The following ISL1 variants were observed in gnomAD, a reference collection of about 807,000 sequenced individuals.
ISL1 encodes the protein insulin gene enhancer protein ISL-1.
In ISL1, 4 loss-of-function variants were observed where a neutral mutation model predicts 35.3. The observed-to-expected ratio is 0.11, with a 90% CI of 0.06 to 0.26. The LOEUF (loss-of-function observed/expected upper bound fraction) is 0.26, where lower values mean the gene tolerates loss of function less well. ISL1 is among the 10% of genes least tolerant of loss of function. The probability of loss-of-function intolerance (pLI) is 1.00; values close to 1 mark genes in which losing one functional copy is unlikely to be tolerated. For synonymous variants in ISL1, 186 were observed against 172.3 expected, an observed-to-expected ratio of 1.08 and a Z score of -0.62; for missense variants, 340 against 472.8, an observed-to-expected ratio of 0.72 and a Z score of 2.60.
intron 3 of ISL1, among the ~76,000 whole-genome samples, chr5:51,388,396 A>C (rs1239317599): frequency 6.6e-6 from 1 of 152,218 alleles, no homozygotes; most frequent in African/African-American, 2.4e-5. Context: ...GCTTCTTTAA[A>C]TCATTCATTC....
At chr5:51,386,305 G>A in intron 2 of ISL1, 1 of 240,168 alleles carries the variant, frequency 4.2e-6, no homozygotes. Context: ...GCTTGCATGT[G>A]CCTAATTCTG....
intron 1 of ISL1, among the ~76,000 whole-genome samples, chr5:51,384,167 C>T (rs576268553): frequency 6.7e-6 from 1 of 148,930 alleles, no homozygotes; most frequent in South Asian, 2.1e-4. Context: ...CCTGCGTTCA[C>T]TTAACGCTTC....
Position 51,389,627 on chromosome 5 carries a change from G to A in ISL1, c.479-19G>A. On this transcript the variant is annotated intron_variant, in intron 3 of 5. Coordinates refer to ENST00000230658, the MANE Select transcript of ISL1 (RefSeq NM_002202.3). The surrounding 1 kb of genome is among the most constrained non-coding windows in gnomAD (Gnocchi z 5.0). Reference sequence around the variant, plus strand: ...AGCGAGCCTCCAGCCCAGCGCTCACGGCGCTCCTTGCCCCGCAGCGGAGCC... The same window carrying A: ...AGCGAGCCTCCAGCCCAGCGCTCACAGCGCTCCTTGCCCCGCAGCGGAGCC... 6.3e-7 allele frequency: 1 copy of A among 1,598,890 alleles called. No homozygotes were observed.
At chr5:51,385,780 T>A (rs895381864) in intron 2 of ISL1, among the ~76,000 whole-genome samples, 1 of 152,184 alleles carries the variant, frequency 6.6e-6, no homozygotes, top group African/African-American at 2.4e-5. Flanking sequence ...TATCACTTTT[T>A]AAATGTCCGG....
rs1485030906 is a variant in ISL1 at position 51,389,230 on chromosome 5, TG to T, written c.479-412del. 6.6e-6 allele frequency among the ~76,000 whole-genome samples: 1 copy of T among 151,962 alleles called. No homozygotes were observed. The highest frequency in any genetic ancestry group is 1.5e-5 in the Non-Finnish European group (1 of 67,996). On this transcript the variant is annotated intron_variant, in intron 3 of 5. Coordinates refer to ENST00000230658, the MANE Select transcript of ISL1 (RefSeq NM_002202.3). The surrounding 1 kb of genome is among the most constrained non-coding windows in gnomAD (Gnocchi z 5.0). ...TGGAGAGGGTGGTAATCAATGTAAC[TG>T]GGGCCCAGTCTGGGCACAAGGAAAG... is the stretch of plus-strand genomic sequence containing the variant.
At chr5:51,392,641 A>C (rs958480381) in intron 5 of ISL1, among the ~76,000 whole-genome samples, 4 of 152,196 alleles carry the variant, frequency 2.6e-5, no homozygotes, top group African/African-American at 9.7e-5. Flanking sequence ...TTCTAAGCTC[A>C]TTAATCTGTT....
rs1561207684 is a variant in ISL1 at position 51,389,595 on chromosome 5, G to C, written c.479-51G>C. 8 of 1,441,256 alleles carry C rather than the reference G, an allele frequency of 5.6e-6. No homozygotes were observed. The East Asian group carries it at 2.2e-4, about 40-fold the overall frequency. 89.3% of individuals were successfully genotyped at this position (1,441,256 alleles called of 1,614,324 possible). On this transcript the variant is annotated intron_variant, in intron 3 of 5. Coordinates refer to ENST00000230658, the MANE Select transcript of ISL1 (RefSeq NM_002202.3). This position sits in a 1 kb window ranked among gnomAD's most constrained non-coding sequence, Gnocchi z 5.0. Reference sequence around the variant, plus strand: ...CGAGCGAGCGCGCGACCGCGGGCGGGCCGGCAAGCGAGCCTCCAGCCCAGC... The same window carrying C: ...CGAGCGAGCGCGCGACCGCGGGCGGCCCGGCAAGCGAGCCTCCAGCCCAGC...
chr5:51,384,403 TAAAAA>T, intron 1 of ISL1, 133 bp from the exon 2 acceptor site: 4 of 584,600 alleles, frequency 6.8e-6, no homozygotes, highest in Non-Finnish European at 8.5e-6. Flanking sequence ...TGCAATGCTC[TAAAAA>T]AAAAAAAAAA....
chr5:51,390,061 C>T (rs1423939543), intron 4 of ISL1, 129 bp downstream of exon 4: 22 of 1,124,388 alleles, frequency 2.0e-5, no homozygotes, highest in Non-Finnish European at 2.8e-5. Flanking sequence ...CCGGGGCTGC[C>T]CCTCATCCTT....
At chr5:51,391,573 G>A in intron 5 of ISL1, 132 bp downstream of exon 5, 1 of 990,712 alleles carries the variant, frequency 1.0e-6, no homozygotes, top group Non-Finnish European at 1.6e-6. Flanking sequence ...CAAGGAGGTG[G>A]GTAATGAAGA....
intron 3 of ISL1, among the ~76,000 whole-genome samples, chr5:51,388,589 G>A (rs745961061): frequency 6.6e-6 from 1 of 152,194 alleles, no homozygotes; most frequent in Non-Finnish European, 1.5e-5. Context: ...CCAAAGCAGT[G>A]GGTTAGAAGG....
rs779186378 is a variant in ISL1, at chr5:51,389,963, C to T, written c.765+31C>T. ...TGGCTCTGGGGCCGGGCAGGGAATG[C>T]GAGGGGGAAGGAGACGCAGCGTGCG... On this transcript the variant is annotated intron_variant, in intron 4 of 5. Coordinates refer to ENST00000230658, the MANE Select transcript of ISL1 (RefSeq NM_002202.3). This position sits in a 1 kb window ranked among gnomAD's most constrained non-coding sequence, Gnocchi z 5.0. The T allele has an allele frequency of 2.5e-6, 4 of 1,608,802 alleles. No individual in the cohort carries two copies. Among genetic ancestry groups the T allele is most frequent in the Non-Finnish European group, 3.4e-6 (4 of 1,176,352 alleles).
At chr5:51,391,121 T>C (rs1007681267) in intron 4 of ISL1, among the ~76,000 whole-genome samples, 153 bp from the exon 5 acceptor site, 2 of 152,196 alleles carry the variant, frequency 1.3e-5, no homozygotes, top group African/African-American at 4.8e-5. Flanking sequence ...GAATTCTAAC[T>C]AATATCCGTA....
In ISL1 at chr5:51,389,653, C is replaced by T. The variant is rs1390537346; in HGVS notation, c.486C>T (p.Pro162=). The part of the protein sequence containing the change: ...PARPLQMAAE[P]ISARQPALRP... ...GCGCTCCTTGCCCCGCAGCGGAGCC[C>T]ATCTCCGCCAGGCAGCCAGCCCTGC... Residue 162 remains proline, a synonymous_variant, in exon 4 of 6, where the codon CCC becomes CCT. Transcript: ENST00000230658. This position sits in a 1 kb window ranked among gnomAD's most constrained non-coding sequence, Gnocchi z 5.0. The T allele has an allele frequency of 1.2e-6, 2 of 1,609,052 alleles. No individual in the cohort carries two copies. Among genetic ancestry groups the T allele is most frequent in the Admixed American group, 1.7e-5 (1 of 59,958 alleles).
In ISL1 at chr5:51,389,617, C is replaced by T; in HGVS notation, c.479-29C>T. The T allele has an allele frequency of 1.3e-6, 2 of 1,590,220 alleles. No individual in the cohort carries two copies. The highest frequency in any genetic ancestry group is 1.1e-5 in the South Asian group (1 of 89,642). ...CGGGCCGGCAAGCGAGCCTCCAGCC[C>T]AGCGCTCACGGCGCTCCTTGCCCCG... On this transcript the variant is annotated intron_variant, in intron 3 of 5. Transcript: ENST00000230658. The surrounding 1 kb of genome is among the most constrained non-coding windows in gnomAD (Gnocchi z 5.0).
In ISL1 at chr5:51,393,767, G is replaced by T; in HGVS notation, c.*157G>T. The T allele has an allele frequency of 1.5e-6, 1 of 682,236 alleles. No homozygotes were observed. Among genetic ancestry groups the T allele is most frequent in the Non-Finnish European group, 2.7e-6 (1 of 374,928 alleles). 42.3% of individuals were successfully genotyped at this position (682,236 alleles called of 1,614,324 possible). ...ACGAAGTCTGTTTTAATGACAAGGT[G>T]ATATGGTAGCAACACTGTGAAGACA... is the stretch of plus-strand genomic sequence containing the variant. On this transcript the variant is annotated 3_prime_UTR_variant, in exon 6 of 6. Coordinates refer to ENST00000230658, the MANE Select transcript of ISL1 (RefSeq NM_002202.3).
In ISL1 at chr5:51,390,373, G is replaced by A. The variant is rs570512434; in HGVS notation, c.765+441G>A. ...TCCTGCCTACATCCAGGGGTTCCGT[G>A]GGCAGGTCACCCTGTGAGCCCCCAG... is the stretch of plus-strand genomic sequence containing the variant. On this transcript the variant is annotated intron_variant, in intron 4 of 5. Coordinates refer to ENST00000230658, the MANE Select transcript of ISL1 (RefSeq NM_002202.3). Among the ~76,000 whole-genome samples, 36 of 152,226 alleles carry A rather than the reference G, an allele frequency of 2.4e-4. 1 individual carries two copies. Among genetic ancestry groups the A allele is most frequent in the Admixed American group, 6.5e-4 (10 of 15,294 alleles).
Position 51,387,551 on chromosome 5 carries a change from C to G in ISL1, c.280C>G (p.Arg94Gly). Residue 94 changes from arginine (R) to glycine (G), a missense_variant, in exon 3 of 6, where the codon CGT (arginine) becomes GGT (glycine). Arg to Gly is a moderately radical substitution (Grantham distance 125). This residue lies in a region of ISL1 where 70 missense variants were observed against 130.3 expected (regional missense o/e 0.54). Coordinates refer to ENST00000230658, the MANE Select transcript of ISL1 (RefSeq NM_002202.3). This position sits in a 1 kb window ranked among gnomAD's most constrained non-coding sequence, Gnocchi z 4.3. Reference sequence around the variant, plus strand: ...CTTCAGCAAGAACGACTTCGTGATGCGTGCCCGCTCCAAGGTGTATCACAT... The same window carrying G: ...CTTCAGCAAGAACGACTTCGTGATGGGTGCCCGCTCCAAGGTGTATCACAT... The part of the protein sequence containing the change: ...IGFSKNDFVM[R>G]ARSKVYHIEC... 1 of 1,614,222 alleles carries G rather than the reference C, an allele frequency of 6.2e-7. No homozygotes were observed. Among genetic ancestry groups the G allele is most frequent in the Non-Finnish European group, 8.5e-7 (1 of 1,180,040 alleles).
Position 51,389,528 on chromosome 5 carries a change from G to C in ISL1, c.479-118G>C. On this transcript the variant is annotated intron_variant, in intron 3 of 5. Transcript: ENST00000230658. The surrounding 1 kb of genome is among the most constrained non-coding windows in gnomAD (Gnocchi z 5.0). ...GCCATTGTCCTGAGTATCTCGGGCGGGCGAGCAAGTAAGCGGGCGGGCGGG... is the reference window on the plus strand; with the variant it reads ...GCCATTGTCCTGAGTATCTCGGGCGCGCGAGCAAGTAAGCGGGCGGGCGGG... 1.1e-6 allele frequency: 1 copy of C among 919,838 alleles called. No homozygotes were observed. The highest frequency in any genetic ancestry group is 2.3e-5 in the South Asian group (1 of 42,596). 57.0% of individuals were successfully genotyped at this position (919,838 alleles called of 1,614,324 possible). A position where few individuals can be genotyped will look rare whatever the true frequency, so the allele number is the denominator to read the frequency against.
Sources: allele counts gnomAD v4.1 joint callset (sites outside exome capture counted in the v4.1 genomes callset), GRCh38; gene constraint gnomAD v4.1.1; regional missense constraint gnomAD v4.1.1; non-coding constraint Gnocchi (gnomAD v3.1); transcripts MANE v1.5; gene names NCBI Gene and HGNC (gene_info 2026-07-23, HGNC 2026-07-21).